The following LRP1B variants were observed in gnomAD, a reference collection of about 807,000 sequenced individuals.
The protein encoded by LRP1B is LDL receptor related protein 1B, also known as low-density lipoprotein receptor-related protein 1B.
In LRP1B, 217 loss-of-function variants were observed where a neutral mutation model predicts 556.6. The observed-to-expected ratio is 0.39, with a 90% CI of 0.35 to 0.44. The LOEUF (loss-of-function observed/expected upper bound fraction) is 0.44. Among genes scored for constraint, LRP1B ranks in the 20% least tolerant of loss-of-function variants. The pLI is 1.00. For missense variants in LRP1B, 5,053 were observed against 5,620.8 expected (o/e 0.90, Z 3.23); for synonymous variants, 2,047 against 1,865.8 (o/e 1.10, Z -2.50).
At chr2:142,089,062 C>T (rs1196269811) in intron 1 of LRP1B, among the ~76,000 whole-genome samples, 1 of 151,730 alleles carries the variant, frequency 6.6e-6, no homozygotes, top group African/African-American at 2.4e-5. Flanking sequence ...TTTTGTGTGC[C>T]TTCTATGTTC....
rs150038030 is a variant in LRP1B at position 140,871,892 on chromosome 2, T to C, written c.4170-3629A>G. Among the ~76,000 whole-genome samples, 560 of 152,206 alleles carry C rather than the reference T, an allele frequency of 3.7e-3. 5 individuals carry two copies. The highest frequency in any genetic ancestry group is 0.013 in the African/African-American group (535 of 41,554). ...TAGCAGCAATTTATCCTAGCTGAAA[T>C]ATGGTAATGACATTTTAAAAGATTT... On this transcript the variant is annotated intron_variant, in intron 25 of 90. Transcript: ENST00000389484.
chr2:140,445,675 A>T (rs1686626941), intron 63 of LRP1B, among the ~76,000 whole-genome samples: 1 of 152,078 alleles, frequency 6.6e-6, no homozygotes, highest in South Asian at 2.1e-4. Flanking sequence ...ACTGGGCTAG[A>T]CCCCTTCACA....
chr2:140,592,186 T>A (rs1682255139), intron 43 of LRP1B, among the ~76,000 whole-genome samples: 1 of 152,154 alleles, frequency 6.6e-6, no homozygotes, highest in Non-Finnish European at 1.5e-5. Flanking sequence ...GCAGATATAA[T>A]ATAAAATTTT....
intron 3 of LRP1B, among the ~76,000 whole-genome samples, chr2:141,256,777 C>T (rs576388201): frequency 1.3e-5 from 2 of 151,648 alleles, no homozygotes; most frequent in Non-Finnish European, 2.9e-5. Flanking sequence ...AACATAATAG[C>T]CAGGGAGAAA....
chr2:141,459,929 G>A (rs1681795487), intron 3 of LRP1B, among the ~76,000 whole-genome samples: 1 of 152,142 alleles, frequency 6.6e-6, no homozygotes, highest in Non-Finnish European at 1.5e-5. Flanking sequence ...ATATGATGTT[G>A]TGGATGGATA....
At chr2:140,949,901 T>A (rs189783409) in intron 20 of LRP1B, among the ~76,000 whole-genome samples, 2 of 71,966 alleles carry the variant, frequency 2.8e-5, no homozygotes, top group African/African-American at 1.9e-4. Context: ...ATGGCGCCAC[T>A]GCACTCCAGC....
At position 141,396,252 on chromosome 2, in the gene LRP1B, C is replaced by T. The variant is rs551969731; in HGVS notation, c.343+84144G>A. Among the ~76,000 whole-genome samples the T allele has an allele frequency of 3.9e-5, 6 of 152,224 alleles. No individual in the cohort carries two copies. In the South Asian group the frequency reaches 1.0e-3, roughly 26 times the overall value. On this transcript the variant is annotated intron_variant, in intron 3 of 90. Transcript: ENST00000389484. ...TACAAGCAGATTCACAAAATTTATA[C>T]AATCGATCTTCAAGTTTAGTGTTGA...
chr2:141,786,537 G>A (rs956854725), intron 2 of LRP1B, among the ~76,000 whole-genome samples: 1 of 151,882 alleles, frequency 6.6e-6, no homozygotes, highest in African/African-American at 2.4e-5. Flanking sequence ...TTTTTTCTGT[G>A]TAATATATTT....
intron 7 of LRP1B, among the ~76,000 whole-genome samples, chr2:141,176,693 T>C (rs1680752705): frequency 6.6e-6 from 1 of 151,804 alleles, no homozygotes; most frequent in African/African-American, 2.4e-5. Flanking sequence ...TTTTAATAGA[T>C]GATTTGGATT....
chr2:141,211,437 T>A (rs1483226907), intron 6 of LRP1B, among the ~76,000 whole-genome samples: 1 of 151,702 alleles, frequency 6.6e-6, no homozygotes, highest in African/African-American at 2.4e-5. Flanking sequence ...CTGGCCAACA[T>A]GGTGAAAACC....
At chr2:141,191,323 T>C (rs140185317) in intron 6 of LRP1B, among the ~76,000 whole-genome samples, 1 of 152,064 alleles carries the variant, frequency 6.6e-6, no homozygotes, top group East Asian at 1.9e-4. Context: ...GTCAAAATTA[T>C]ATTTTTTCCT....
intron 7 of LRP1B, among the ~76,000 whole-genome samples, chr2:141,172,385 C>A (rs1193620932): frequency 6.6e-6 from 1 of 152,032 alleles, no homozygotes; most frequent in Non-Finnish European, 1.5e-5. Context: ...AGACCACTTT[C>A]CAGAAAATGC....
At chr2:142,106,256 C>A (rs1301031764) in intron 1 of LRP1B, among the ~76,000 whole-genome samples, 1 of 152,064 alleles carries the variant, frequency 6.6e-6, no homozygotes, top group Non-Finnish European at 1.5e-5. Flanking sequence ...ATAAAGATTG[C>A]AAAATTGGAT....
chr2:141,285,842 G>A (rs1382382621), intron 3 of LRP1B, among the ~76,000 whole-genome samples: 8 of 148,654 alleles, frequency 5.4e-5, no homozygotes, highest in Admixed American at 3.3e-4. Context: ...CGAGGCGGGC[G>A]GATCACGAGG....
intron 35 of LRP1B, among the ~76,000 whole-genome samples, chr2:140,761,892 C>T (rs1688935931): frequency 1.3e-5 from 2 of 152,074 alleles, no homozygotes; most frequent in Non-Finnish European, 2.9e-5. Flanking sequence ...TAATAGATAA[C>T]TAATTTAAAC....
At chr2:140,844,840 A>G (rs146985384) in intron 29 of LRP1B, among the ~76,000 whole-genome samples, 2,013 of 152,296 alleles carry the variant, frequency 0.013, 31 homozygotes, top group Admixed American at 0.045. Context: ...ACACTCACAC[A>G]TTAGCTAAAA....
intron 18 of LRP1B, among the ~76,000 whole-genome samples, chr2:140,969,783 A>G (rs1261376744): frequency 6.6e-6 from 1 of 152,104 alleles, no homozygotes; most frequent in Non-Finnish European, 1.5e-5. Flanking sequence ...TTCACTTATG[A>G]AGCTTAGTTT....
rs146159217 is a variant in LRP1B, at chr2:141,976,559, G to A, written c.82+154089C>T. ...TGGACAATAAAGATAATCTTAGCAG[G>A]ACCAATCAATTCCCCTCAATACAAA... On this transcript the variant is annotated intron_variant, in intron 1 of 90. Coordinates refer to ENST00000389484, the MANE Select transcript of LRP1B (RefSeq NM_018557.3). 1.3e-5 allele frequency among the ~76,000 whole-genome samples: 2 copies of A among 152,166 alleles called. 1 individual carries two copies. The highest frequency in any genetic ancestry group is 2.9e-5 in the Non-Finnish European group (2 of 67,990).
chr2:140,336,676 C>T (rs1433442805), intron 77 of LRP1B, among the ~76,000 whole-genome samples: 1 of 151,848 alleles, frequency 6.6e-6, no homozygotes, highest in Non-Finnish European at 1.5e-5. Flanking sequence ...GTCACAATAT[C>T]TGTTATTTAT....
Sources: gnomAD v4.1 joint callset for allele counts (sites outside exome capture counted in the v4.1 genomes callset) on GRCh38, gnomAD v4.1.1 for gene constraint, MANE v1.5 for transcripts, NCBI Gene and HGNC (gene_info 2026-07-23, HGNC 2026-07-21) for gene names.